The following GLIS3 variants were observed in gnomAD, a reference collection of about 807,000 sequenced individuals.
GLIS3 encodes the protein zinc finger protein GLIS3.
A neutral mutation model predicts 78.6 loss-of-function variants in GLIS3; 53 were observed. That is an observed-to-expected ratio of 0.67 (90% CI 0.54 to 0.85). GLIS3 has a LOEUF of 0.85. Ranked by LOEUF, GLIS3 falls within the 40% of genes least tolerant of loss-of-function variation. The pLI is 0.00. For synonymous variants in GLIS3, 684 were observed against 509.9 expected (o/e 1.34, Z -4.60); for missense variants, 1,703 against 1,231.1 (o/e 1.38, Z -5.74).
At chr9:4,096,523 T>C (rs115040000) in intron 4 of GLIS3, among the ~76,000 whole-genome samples, 52 of 152,306 alleles carry the variant, frequency 3.4e-4, no homozygotes, top group African/African-American at 1.3e-3. Flanking sequence ...GTGGAGTCCT[T>C]ACTGAATTTA....
At chr9:4,053,790 T>A (rs1043963972) in intron 4 of GLIS3, among the ~76,000 whole-genome samples, 7 of 150,410 alleles carry the variant, frequency 4.7e-5, no homozygotes, top group Non-Finnish European at 1.0e-4. Context: ...GGCCACCCAA[T>A]TAGTGACACC....
the GLIS3 span, among the ~76,000 whole-genome samples, chr9:4,428,303 A>G: frequency 1.3e-5 from 2 of 151,780 alleles, no homozygotes; most frequent in African/African-American, 4.8e-5. Context: ...ACATGGCAAA[A>G]CTCCATGTCT....
the GLIS3 span, among the ~76,000 whole-genome samples, chr9:4,374,361 T>C: frequency 2.6e-5 from 4 of 152,350 alleles, no homozygotes; most frequent in South Asian, 8.3e-4. Context: ...TGGATACTTT[T>C]GACTGTTCTC....
rs1367692934 is a variant in GLIS3 at position 3,936,929 on chromosome 9, G to A, written c.1872+99C>T. On this transcript the variant is annotated intron_variant, in intron 5 of 10. Transcript: ENST00000381971. ...GCCCTTGGCATTGTCCCTGTAACCT[G>A]CAGACCATAAAGCAAACACTTCACC... 15 of 1,518,472 alleles carry A rather than the reference G, an allele frequency of 9.9e-6. No homozygotes were observed. The East Asian group carries it at 1.4e-4, about 14-fold the overall frequency. 94.1% of individuals were successfully genotyped at this position (1,518,472 alleles called of 1,614,324 possible).
chr9:4,009,049 C>G (rs910591478), intron 4 of GLIS3, among the ~76,000 whole-genome samples: 1 of 152,120 alleles, frequency 6.6e-6, no homozygotes, highest in Non-Finnish European at 1.5e-5. Context: ...CTTGACCCTC[C>G]GATATTCCTT....
At chr9:4,427,044 A>G in the GLIS3 span, among the ~76,000 whole-genome samples, 2 of 152,234 alleles carry the variant, frequency 1.3e-5, no homozygotes, top group Admixed American at 1.3e-4. Context: ...AATTTTGCAC[A>G]TAGTAAATAA....
chr9:3,961,684 G>A (rs374523381), intron 4 of GLIS3, among the ~76,000 whole-genome samples: 1 of 152,068 alleles, frequency 6.6e-6, no homozygotes, highest in Non-Finnish European at 1.5e-5. Flanking sequence ...GAGTTGGCAG[G>A]TTTAGTGAGT....
intron 7 of GLIS3, among the ~76,000 whole-genome samples, chr9:3,884,030 T>C (rs1256759952): frequency 6.6e-6 from 1 of 152,204 alleles, no homozygotes; most frequent in Non-Finnish European, 1.5e-5. Context: ...AGTTGAGCTT[T>C]ATAATTTTAA....
At chr9:4,239,386 G>A (rs1442898426) in intron 2 of GLIS3, among the ~76,000 whole-genome samples, 6 of 149,544 alleles carry the variant, frequency 4.0e-5, no homozygotes, top group African/African-American at 1.2e-4. Flanking sequence ...TTTTCTCTGC[G>A]ATGAGGAAGA....
At chr9:4,137,465 T>C (rs1011955862) in intron 2 of GLIS3, among the ~76,000 whole-genome samples, 4 of 152,212 alleles carry the variant, frequency 2.6e-5, no homozygotes, top group African/African-American at 7.2e-5. Context: ...CTGTATTAAA[T>C]GGAATCACAT....
intron 3 of GLIS3, among the ~76,000 whole-genome samples, chr9:4,124,664 T>C (rs904223121): frequency 7.2e-5 from 11 of 152,152 alleles, no homozygotes; most frequent in Admixed American, 5.2e-4. Flanking sequence ...TCAGGAACTA[T>C]GATTTCAGAG....
chr9:4,104,017 G>A (rs886678141), intron 4 of GLIS3, among the ~76,000 whole-genome samples: 1 of 152,038 alleles, frequency 6.6e-6, no homozygotes, highest in Admixed American at 6.6e-5. Flanking sequence ...CCACCAACCT[G>A]TCCCTCAACG....
At chr9:3,889,099 G>C (rs1822261026) in intron 7 of GLIS3, among the ~76,000 whole-genome samples, 1 of 151,832 alleles carries the variant, frequency 6.6e-6, no homozygotes, top group Non-Finnish European at 1.5e-5. Context: ...TCCTTTCTAG[G>C]AAAAAAAATC....
chr9:4,411,594 C>T, the GLIS3 span, among the ~76,000 whole-genome samples: 1 of 152,192 alleles, frequency 6.6e-6, no homozygotes, highest in Non-Finnish European at 1.5e-5. Flanking sequence ...TCTTCTCATT[C>T]TGCTTTAATC....
chr9:4,153,611 A>C (rs1445784863), intron 2 of GLIS3, among the ~76,000 whole-genome samples: 1 of 152,192 alleles, frequency 6.6e-6, no homozygotes, highest in Non-Finnish European at 1.5e-5. Flanking sequence ...AATTAAACTA[A>C]ATAAAGAAAG....
chr9:4,225,384 C>T (rs1821685045), intron 2 of GLIS3, among the ~76,000 whole-genome samples: 1 of 152,170 alleles, frequency 6.6e-6, no homozygotes, highest in South Asian at 2.1e-4. Context: ...GAGAACTAGA[C>T]AGCCAAGACA....
intron 2 of GLIS3, among the ~76,000 whole-genome samples, chr9:4,229,498 A>G (rs1822070849): frequency 6.6e-6 from 1 of 152,206 alleles, no homozygotes; most frequent in Non-Finnish European, 1.5e-5. Flanking sequence ...ATTGTAAAGG[A>G]GGGCTGGAGA....
At chr9:4,433,839 G>A in the GLIS3 span, among the ~76,000 whole-genome samples, 2 of 152,200 alleles carry the variant, frequency 1.3e-5, no homozygotes, top group Non-Finnish European at 1.5e-5. Context: ...GCTCATGCCT[G>A]TAATCCCAGC....
chr9:4,105,621 G>A (rs968264859), intron 4 of GLIS3, among the ~76,000 whole-genome samples: 65 of 152,228 alleles, frequency 4.3e-4, no homozygotes, highest in African/African-American at 1.5e-3. Context: ...CTATTTTCCT[G>A]ACTCTGTGGT....
Sources: gnomAD v4.1 joint callset for allele counts (sites outside exome capture counted in the v4.1 genomes callset) on GRCh38, gnomAD v4.1.1 for gene constraint, MANE v1.5 for transcripts, NCBI Gene and HGNC (gene_info 2026-07-23, HGNC 2026-07-21) for gene names.